Variants in MTMR10 observed in about 807,000 individuals in gnomAD.
The protein encoded by MTMR10 is myotubularin related protein 10, also known as myotubularin-related protein 10.
A neutral mutation model predicts 88.1 loss-of-function variants in MTMR10; 56 were observed. The ratio of observed to expected loss-of-function variants is 0.64; its 90% confidence interval spans 0.51 to 0.79. The LOEUF is 0.79. Among genes scored for constraint, MTMR10 ranks in the 30% least tolerant of loss-of-function variants. The probability of loss-of-function intolerance (pLI) is 0.00; values close to 1 mark genes in which losing one functional copy is unlikely to be tolerated. For missense variants in MTMR10, 883 were observed against 924.7 expected (o/e 0.95, Z 0.58); for synonymous variants, 380 against 340.9 (o/e 1.11, Z -1.26).
intron 14 of MTMR10, among the ~76,000 whole-genome samples, chr15:30,945,969 TG>T (rs980258915): frequency 8.5e-5 from 13 of 152,290 alleles, no homozygotes; most frequent in African/African-American, 3.1e-4. Context: ...TTGTATTTTT[TG>T]TAGAGACAGG....
intron 2 of MTMR10, among the ~76,000 whole-genome samples, chr15:30,980,410 G>C (rs937335272): frequency 5.3e-5 from 8 of 152,204 alleles, no homozygotes; most frequent in Admixed American, 5.2e-4. Context: ...AATGAACCCC[G>C]AGGGGCTAGA....
At chr15:30,981,781 G>A (rs144870583) in intron 2 of MTMR10, among the ~76,000 whole-genome samples, 2 of 152,160 alleles carry the variant, frequency 1.3e-5, no homozygotes, top group African/African-American at 4.8e-5. Context: ...TGTATTATTT[G>A]AGGCAAAATA....
the MTMR10 span, among the ~76,000 whole-genome samples, chr15:30,919,239 G>C: frequency 5.9e-5 from 9 of 151,764 alleles, no homozygotes; most frequent in Non-Finnish European, 1.3e-4. Flanking sequence ...AATTAGCCAG[G>C]CCTGGTGGTG....
rs532743485 is a variant in MTMR10 at position 30,961,530 on chromosome 15, C to G, written c.566-457G>C. Among the ~76,000 whole-genome samples, 473 of 152,294 alleles carry G rather than the reference C, an allele frequency of 3.1e-3. 2 individuals carry two copies. Among genetic ancestry groups the G allele is most frequent in the African/African-American group, 0.01 (434 of 41,562 alleles). The stretch of plus-strand genomic sequence containing the variant: ...TGCTGGGATTACAGGCATGAGCCAC[C>G]ACGCCTGGCCTAAAAATAACTCATT... On this transcript the variant is annotated intron_variant, in intron 6 of 15. Coordinates refer to ENST00000435680, the MANE Select transcript of MTMR10 (RefSeq NM_017762.3).
intron 9 of MTMR10, 85 bp from the exon 10 acceptor site, chr15:30,954,978 G>T: frequency 2.5e-6 from 3 of 1,196,528 alleles, no homozygotes; most frequent in Non-Finnish European, 3.4e-6. Flanking sequence ...AGGGGATAGA[G>T]AGAGGAATGA....
intron 5 of MTMR10, among the ~76,000 whole-genome samples, chr15:30,971,434 C>G (rs1038830517): frequency 6.6e-6 from 1 of 152,154 alleles, no homozygotes; most frequent in Non-Finnish European, 1.5e-5. Context: ...AGTTCTATCT[C>G]ATTTGCAAAC....
chr15:30,930,471 C>T, the MTMR10 span: 54 of 1,516,556 alleles, frequency 3.6e-5, no homozygotes, highest in African/African-American at 9.8e-5. Flanking sequence ...TTCTCCGTCT[C>T]GTGATCCCTG....
chr15:30,947,479 C>T (rs1244601024), intron 13 of MTMR10, among the ~76,000 whole-genome samples, 179 bp from the exon 14 acceptor site: 1 of 152,170 alleles, frequency 6.6e-6, no homozygotes, highest in Non-Finnish European at 1.5e-5. Flanking sequence ...AACATTCAAC[C>T]GTGATAAACA....
At chr15:30,976,288 G>C (rs1461228081) in intron 3 of MTMR10, among the ~76,000 whole-genome samples, 4 of 151,970 alleles carry the variant, frequency 2.6e-5, no homozygotes, top group African/African-American at 9.7e-5. Context: ...TGTAGTCCCA[G>C]CTACTCAGGA....
At chr15:30,956,670 G>GT (rs1213828808) in intron 9 of MTMR10, among the ~76,000 whole-genome samples, 23 of 152,244 alleles carry the variant, frequency 1.5e-4, no homozygotes, top group Admixed American at 7.8e-4. Flanking sequence ...AGGAGACGAG[G>GT]TTGGACAAAA....
the MTMR10 span, chr15:30,925,211 C>T: frequency 6.2e-7 from 1 of 1,613,928 alleles, no homozygotes; most frequent in South Asian, 1.1e-5. Context: ...AGCCGTGCGC[C>T]TGCGAGAGTC....
intron 9 of MTMR10, among the ~76,000 whole-genome samples, chr15:30,956,001 G>GT (rs36077293): frequency 0.26 from 38,412 of 146,112 alleles, 5,528 homozygotes; most frequent in Non-Finnish European, 0.33. Flanking sequence ...CCCTGCTGTT[G>GT]TTTTTTTTTT....
At chr15:30,936,749 G>T (rs1314929182), downstream of MTMR10, among the ~76,000 whole-genome samples, 1 of 152,166 alleles carries the variant, frequency 6.6e-6, no homozygotes, top group African/African-American at 2.4e-5. Context: ...GTGTGCATTA[G>T]CCTACAGTTG....
chr15:30,965,231 T>G (rs1321532418), intron 6 of MTMR10, among the ~76,000 whole-genome samples: 1 of 152,236 alleles, frequency 6.6e-6, no homozygotes, highest in African/African-American at 2.4e-5. Context: ...TCAAATGGAT[T>G]GTGTACCTTG....
In MTMR10 at chr15:30,939,158, C is replaced by A; in HGVS notation, c.*2312G>T. On this transcript the variant is annotated 3_prime_UTR_variant, in exon 16 of 16. Coordinates refer to ENST00000435680, the MANE Select transcript of MTMR10 (RefSeq NM_017762.3). ...TTGACAAATGTGAACAGCTTTCACCCTCTGTTAGTACAAATTAATATCCTT... is the reference window on the plus strand; with the variant it reads ...TTGACAAATGTGAACAGCTTTCACCATCTGTTAGTACAAATTAATATCCTT... 3.0e-6 allele frequency: 3 copies of A among 985,316 alleles called. No individual in the cohort carries two copies. Among genetic ancestry groups the A allele is most frequent in the Non-Finnish European group, 3.6e-6 (3 of 829,838 alleles). The allele number at this position is 985,316 out of a possible 1,614,324, so 61.0% of individuals were successfully genotyped here.
At chr15:30,986,359 A>T (rs2030939013) in intron 2 of MTMR10, among the ~76,000 whole-genome samples, 1 of 151,842 alleles carries the variant, frequency 6.6e-6, no homozygotes. Context: ...GGCAGACAAA[A>T]TAATTAATGT....
intron 6 of MTMR10, among the ~76,000 whole-genome samples, chr15:30,966,858 C>CTTTTTTTTTTTTTTTTTTTTTTTTTTTT (rs76851097): frequency 7.6e-6 from 1 of 131,086 alleles, no homozygotes; most frequent in African/African-American, 2.9e-5. Context: ...ACTGTATTTT[C>CTTTTTTTTTTTTTTTTTTTTTTTTTTTT]TTTTTTTTTT....
chr15:30,928,420 G>A, the MTMR10 span: 1 of 1,496,702 alleles, frequency 6.7e-7, no homozygotes, highest in South Asian at 1.4e-5. Context: ...ATTTGCTTCT[G>A]AATCTAAAAT....
chr15:30,973,036 C>A (rs1325385447), intron 5 of MTMR10, among the ~76,000 whole-genome samples: 1 of 152,108 alleles, frequency 6.6e-6, no homozygotes, highest in Non-Finnish European at 1.5e-5. Flanking sequence ...ATGCTTTGAT[C>A]AATTAAATTA....
Sources: gnomAD v4.1 joint callset for allele counts (sites outside exome capture counted in the v4.1 genomes callset) on GRCh38, gnomAD v4.1.1 for gene constraint, MANE v1.5 for transcripts, NCBI Gene and HGNC (gene_info 2026-07-23, HGNC 2026-07-21) for gene names.